EPHA5: variants seen among roughly 807,000 people sequenced by gnomAD.
The protein encoded by EPHA5 is ephrin type-A receptor 5.
In EPHA5, 60 loss-of-function variants were observed where a neutral mutation model predicts 105.0. The ratio of observed to expected loss-of-function variants is 0.57; its 90% CI spans 0.46 to 0.71. The LOEUF is 0.71. Among genes scored for constraint, EPHA5 ranks in the 30% least tolerant of loss-of-function variants. The pLI, the probability that EPHA5 is intolerant of heterozygous loss-of-function variation, is 0.00. For synonymous variants in EPHA5, 513 were observed against 449.1 expected, an observed-to-expected ratio of 1.14 and a Z score of -1.80; for missense variants, 1,218 against 1,274.7, an observed-to-expected ratio of 0.96 and a Z score of 0.68.
intron 3 of EPHA5, among the ~76,000 whole-genome samples, chr4:65,521,209 G>C (rs918776125): frequency 6.6e-6 from 1 of 152,088 alleles, no homozygotes; most frequent in African/African-American, 2.4e-5. Flanking sequence ...AAAATGATGA[G>C]TTCATGTCCT....
intron 3 of EPHA5, among the ~76,000 whole-genome samples, chr4:65,512,261 T>C (rs1442710485): frequency 6.6e-6 from 1 of 152,064 alleles, no homozygotes; most frequent in African/African-American, 2.4e-5. Flanking sequence ...ATATTTAATA[T>C]GGCACTAAGC....
chr4:65,355,033 A>G (rs1723169471), intron 11 of EPHA5, among the ~76,000 whole-genome samples: 2 of 151,786 alleles, frequency 1.3e-5, no homozygotes, highest in Non-Finnish European at 2.9e-5. Context: ...ATGTTAGGTG[A>G]GAGATCACAT....
chr4:65,422,900 A>G (rs910908306), intron 5 of EPHA5, among the ~76,000 whole-genome samples: 6 of 152,038 alleles, frequency 3.9e-5, no homozygotes, highest in Admixed American at 2.0e-4. Context: ...TTAGCACATT[A>G]TATCTGTCAC....
intron 2 of EPHA5, among the ~76,000 whole-genome samples, chr4:65,641,862 A>G (rs897296079): frequency 6.6e-6 from 1 of 152,134 alleles, no homozygotes; most frequent in Non-Finnish European, 1.5e-5. Flanking sequence ...AGACAGCATG[A>G]AGTTGTTAGA....
intron 5 of EPHA5, among the ~76,000 whole-genome samples, chr4:65,444,395 C>T (rs9991088): frequency 0.97 from 148,295 of 152,274 alleles, 72,356 homozygotes; most frequent in East Asian, 1. Context: ...TGAATAATCT[C>T]ATTTAATCTT....
At chr4:65,377,634 G>T (rs543024508) in intron 8 of EPHA5, among the ~76,000 whole-genome samples, 1 of 151,956 alleles carries the variant, frequency 6.6e-6, no homozygotes, top group South Asian at 2.1e-4. Context: ...TTTAAAAACA[G>T]TATCTCCAAA....
chr4:65,618,126 G>A (rs866135735), intron 2 of EPHA5, among the ~76,000 whole-genome samples: 15 of 152,034 alleles, frequency 9.9e-5, no homozygotes, highest in Middle Eastern at 3.4e-3. Context: ...TCAAACACTG[G>A]GACACAGATT....
At chr4:65,393,504 T>G (rs928313644) in intron 8 of EPHA5, among the ~76,000 whole-genome samples, 2 of 152,218 alleles carry the variant, frequency 1.3e-5, no homozygotes, top group African/African-American at 4.8e-5. Flanking sequence ...CCTCTCCTTC[T>G]TAGCTGACTG....
chr4:65,470,505 A>T (rs191298626), intron 5 of EPHA5, among the ~76,000 whole-genome samples: 6 of 152,234 alleles, frequency 3.9e-5, no homozygotes, highest in African/African-American at 1.2e-4. Flanking sequence ...ATTTTCCTAA[A>T]TATATAATAG....
intron 8 of EPHA5, among the ~76,000 whole-genome samples, chr4:65,395,975 C>T (rs1207470373): frequency 6.6e-6 from 1 of 152,166 alleles, no homozygotes; most frequent in Non-Finnish European, 1.5e-5. Flanking sequence ...AAACCCACCC[C>T]CTTCCAAATT....
intron 11 of EPHA5, among the ~76,000 whole-genome samples, chr4:65,364,416 C>T (rs1717648038): frequency 6.6e-6 from 1 of 151,616 alleles, no homozygotes; most frequent in African/African-American, 2.4e-5. Context: ...CATGCTAACA[C>T]ATTTACAAAA....
intron 3 of EPHA5, among the ~76,000 whole-genome samples, chr4:65,505,132 G>T (rs192322775): frequency 2.4e-3 from 364 of 152,068 alleles, no homozygotes; most frequent in African/African-American, 8.4e-3. Context: ...TTGAGAATTG[G>T]AAAGAAGTAT....
chr4:65,332,932 C>T (rs10866157), intron 15 of EPHA5, among the ~76,000 whole-genome samples: 1 of 151,600 alleles, frequency 6.6e-6, no homozygotes, highest in Non-Finnish European at 1.5e-5. Flanking sequence ...TTATTTTACA[C>T]TTTTACATAG....
intron 1 of EPHA5, among the ~76,000 whole-genome samples, chr4:65,655,060 T>C (rs1338277906): frequency 1.3e-5 from 2 of 151,566 alleles, no homozygotes; most frequent in Admixed American, 6.6e-5. Flanking sequence ...TGTTACTTGC[T>C]TTTATAATTC....
intron 5 of EPHA5, among the ~76,000 whole-genome samples, chr4:65,483,584 T>C (rs1332058250): frequency 6.6e-6 from 1 of 152,186 alleles, no homozygotes; most frequent in African/African-American, 2.4e-5. Flanking sequence ...TCACAGATTA[T>C]TGAATACTGC....
At chr4:65,501,480 C>A (rs965380438) in intron 3 of EPHA5, among the ~76,000 whole-genome samples, 2 of 151,200 alleles carry the variant, frequency 1.3e-5, no homozygotes, top group African/African-American at 4.8e-5. Flanking sequence ...AGCTGAGAGC[C>A]AAATCGAGAA....
intron 8 of EPHA5, among the ~76,000 whole-genome samples, chr4:65,395,186 T>C (rs913636975): frequency 2.0e-5 from 3 of 152,198 alleles, no homozygotes; most frequent in Non-Finnish European, 2.9e-5. Flanking sequence ...TCAGACTAAC[T>C]GAAAAGTTAT....
intron 10 of EPHA5, 49 bp from the exon 11 acceptor site, chr4:65,365,251 T>A (rs746116767): frequency 6.5e-7 from 1 of 1,529,590 alleles, no homozygotes; most frequent in Admixed American, 1.7e-5. Context: ...AAATTGTTAG[T>A]CTATTAACAC....
At chr4:65,427,287 C>A (rs377267616) in intron 5 of EPHA5, among the ~76,000 whole-genome samples, 6 of 148,920 alleles carry the variant, frequency 4.0e-5, no homozygotes, top group African/African-American at 1.5e-4. Context: ...CGGGTTCAAG[C>A]GATTCTCCTG....
Sources: allele counts gnomAD v4.1 joint callset (sites outside exome capture counted in the v4.1 genomes callset), GRCh38; gene constraint gnomAD v4.1.1; transcripts MANE v1.5; gene names NCBI Gene and HGNC (gene_info 2026-07-23, HGNC 2026-07-21).